Variants in MGAM observed in about 807,000 individuals in gnomAD.
MGAM encodes alpha-1,4-glucosidase.
In MGAM, 253 loss-of-function variants were observed where a neutral mutation model predicts 358.8. That is an observed-to-expected ratio of 0.71 (90% CI 0.64 to 0.78). The LOEUF is 0.78. Among genes scored for constraint, MGAM ranks in the 30% least tolerant of loss-of-function variants. The pLI, the probability that MGAM is intolerant of heterozygous loss-of-function variation, is 0.00. For synonymous variants in MGAM, 1,105 were observed against 1,227.1 expected (o/e 0.90, Z 2.08); for missense variants, 3,080 against 3,432.6 (o/e 0.90, Z 2.57).
At chr7:142,105,292 C>CT (rs1816749523) in intron 70 of MGAM, among the ~76,000 whole-genome samples, 1 of 117,110 alleles carries the variant, frequency 8.5e-6, no homozygotes, top group South Asian at 3.0e-4. Flanking sequence ...GCATATTGAA[C>CT]ATTTTTTTTT....
At position 142,005,599 on chromosome 7, in the gene MGAM, G is replaced by A; in HGVS notation, c.69G>A (p.Leu23=). The A allele has an allele frequency of 1.3e-6, 2 of 1,586,930 alleles. No homozygotes were observed. Among genetic ancestry groups the A allele is most frequent in the African/African-American group, 1.4e-5 (1 of 73,822 alleles). ...EIVLSVLLLV[L]FIISIVLIVL... is the part of the protein sequence containing the mutation. ...TGCTCAGTGTTCTTCTGCTTGTGTT[G>A]TTTATCATCAGTATTGTTCTAATTG... The change falls in exon 2 of 71, where the codon TTG becomes TTA. Residue 23 remains leucine, a synonymous_variant. Transcript: ENST00000475668.
chr7:142,063,560 C>T lies in MGAM; in HGVS notation c.4319C>T (p.Ser1440Phe). 6.2e-7 allele frequency: 1 copy of T among 1,613,746 alleles called. No homozygotes were observed. The highest frequency in any genetic ancestry group is 8.5e-7 in the Non-Finnish European group (1 of 1,179,784). ...GAVSPGCRDASLNHPPYMPHL... is the reference protein window; with the variant it reads ...GAVSPGCRDAFLNHPPYMPHL... ...GTTTCTCCAGGCTGCAGGGACGCCT[C>T]TCTGAACCACCCTCCCTACATGCCA... is the stretch of plus-strand genomic sequence containing the variant. Residue 1440 changes from serine to phenylalanine, a missense_variant, in exon 36 of 71, where the codon TCT becomes TTT. Coordinates refer to ENST00000475668, the MANE Select transcript of MGAM (RefSeq NM_001365693.1).
chr7:142,045,011 TATA>T lies in MGAM; in HGVS notation c.2499-2770_2499-2768del, dbSNP rs375298308. Among the ~76,000 whole-genome samples the T allele has an allele frequency of 6.1e-3, 632 of 102,980 alleles. 33 individuals are homozygous for T. The highest frequency in any genetic ancestry group is 0.014 in the Middle Eastern group (1 of 70). 67.6% of individuals were successfully genotyped at this position (102,980 alleles called of 152,430 possible). A position where few individuals can be genotyped will look rare whatever the true frequency, so the allele number is the denominator to read the frequency against. ...TTATATACACGTGTAATATATGATA[TATA>T]ATATGTATATTGTATACACGTGTAA... On this transcript the variant is annotated intron_variant, in intron 21 of 70. Transcript: ENST00000475668.
chr7:142,008,759 A>AT lies in MGAM; in HGVS notation c.327+63dup, dbSNP rs879988723. On this transcript the variant is annotated intron_variant, in intron 3 of 70. Transcript: ENST00000475668. ...TAGAATTTATGCAACTTGATAGTTT[A>AT]TTTTTTTTTGTTGTTTTGTTTTGGT... 6.9e-4 allele frequency: 1,048 copies of AT among 1,527,398 alleles called. 2 individuals carry two copies. The highest frequency in any genetic ancestry group is 1.1e-3 in the Admixed American group (60 of 53,462). 94.6% of individuals were successfully genotyped at this position (1,527,398 alleles called of 1,614,324 possible).
intron 2 of MGAM, among the ~76,000 whole-genome samples, chr7:141,989,860 G>A (rs1803868718): frequency 1.3e-5 from 2 of 152,118 alleles, no homozygotes; most frequent in African/African-American, 4.8e-5. Context: ...GGATATTTTA[G>A]GGACACCTAA....
At chr7:142,037,024 A>G in intron 18 of MGAM, 47 bp downstream of exon 18, 1 of 1,559,256 alleles carries the variant, frequency 6.4e-7, no homozygotes, top group Non-Finnish European at 8.8e-7. Context: ...ATCTGGAATG[A>G]CATTGACTAT....
rs141167451 is a variant in MGAM, at chr7:142,069,587, A to T, written c.5061+884A>T. Among the ~76,000 whole-genome samples, 637 of 145,814 alleles carry T rather than the reference A, an allele frequency of 4.4e-3. 23 individuals carry two copies. Among genetic ancestry groups the T allele is most frequent in the African/African-American group, 0.015 (612 of 41,166 alleles). On this transcript the variant is annotated intron_variant, in intron 43 of 70. Transcript: ENST00000475668. The stretch of plus-strand genomic sequence containing the variant: ...TTTCATCCAAGGAGATTTCAGTGAG[A>T]TTAAGTGAAAAGTGGAGAAGGATGT...
intron 30 of MGAM, among the ~76,000 whole-genome samples, chr7:142,057,215 A>G (rs996046336): frequency 1.3e-5 from 2 of 151,868 alleles, no homozygotes. Flanking sequence ...TTATATGGTG[A>G]TGATGGCAGT....
chr7:142,095,631 T>A lies in MGAM; in HGVS notation c.7525T>A (p.Tyr2509Asn). The change falls in exon 64 of 71, where the codon TAC (tyrosine) becomes AAC (asparagine). Residue 2509 changes from tyrosine (Y) to asparagine (N), a missense_variant. Coordinates refer to ENST00000475668, the MANE Select transcript of MGAM (RefSeq NM_001365693.1). Reference protein sequence around the residue: ...NISRTVLQTRYTLLPYLYTLM... With the variant: ...NISRTVLQTRNTLLPYLYTLM... ...TTCCAGAACTGTCCTGCAGACCAGATACACCCTGTTGCCATATCTGTATAC... is the reference window on the plus strand; with the variant it reads ...TTCCAGAACTGTCCTGCAGACCAGAAACACCCTGTTGCCATATCTGTATAC... The A allele has an allele frequency of 6.2e-7, 1 of 1,613,906 alleles. No individual in the cohort carries two copies. The highest frequency in any genetic ancestry group is 1.1e-5 in the South Asian group (1 of 91,078).
At chr7:142,040,405 T>C (rs1345082522) in intron 20 of MGAM, 1 of 585,540 alleles carries the variant, frequency 1.7e-6, no homozygotes, top group Non-Finnish European at 3.0e-6. Flanking sequence ...TAGGCTGACA[T>C]AGTATCTCAT....
rs1290111282 is a variant in MGAM, at chr7:142,102,651, A to G, written c.7985A>G (p.Tyr2662Cys). ...QSIDTYGKGL[Y>C]YLASFSASQN... is the part of the protein sequence containing the mutation. ...GCAGATACCTATGGGAAAGGACTCT[A>G]TTACTTGGCCAGCTTTTCTGCCAGC... Residue 2662 changes from tyrosine to cysteine, a missense_variant, in exon 69 of 71, where the codon TAT becomes TGT. Tyr to Cys is a radical substitution (Grantham distance 194). Transcript: ENST00000475668. 6.2e-6 allele frequency: 10 copies of G among 1,613,412 alleles called. No individual in the cohort carries two copies. The highest frequency in any genetic ancestry group is 1.1e-5 in the South Asian group (1 of 90,916).
chr7:142,043,908 A>G (rs554239595), intron 21 of MGAM, among the ~76,000 whole-genome samples: 3 of 124,752 alleles, frequency 2.4e-5, no homozygotes, highest in African/African-American at 9.2e-5. Flanking sequence ...ATATACACAT[A>G]CGACGTATAA....
Position 142,060,756 on chromosome 7 carries a change from G to A in MGAM, c.4122+383G>A, listed in dbSNP as rs138232024. ...CTGGCATACTTACTGTTGTTGCCTC[G>A]GTTATCCCTTTTAAACAGTCTTCAA... On this transcript the variant is annotated intron_variant, in intron 34 of 70. Transcript: ENST00000475668. Among the ~76,000 whole-genome samples the A allele has an allele frequency of 3.3e-5, 5 of 152,248 alleles. No homozygotes were observed. In the East Asian group the frequency reaches 7.7e-4, roughly 24 times the overall value.
intron 68 of MGAM, among the ~76,000 whole-genome samples, chr7:142,101,918 AAAGAAAG>A (rs1389883019): frequency 6.6e-6 from 1 of 151,248 alleles, no homozygotes; most frequent in Admixed American, 6.6e-5. Flanking sequence ...CAAAAAAAAA[AAAGAAAG>A]AAAGAAAGAA....
At chr7:141,999,102 T>G (rs1302118771) in intron 1 of MGAM, among the ~76,000 whole-genome samples, 1 of 152,210 alleles carries the variant, frequency 6.6e-6, no homozygotes, top group Non-Finnish European at 1.5e-5. Context: ...GATTTTTATC[T>G]GTTTTGTTCA....
intron 40 of MGAM, 121 bp from the exon 41 acceptor site, chr7:142,066,452 T>G (rs1248973092): frequency 1.7e-6 from 2 of 1,151,502 alleles, no homozygotes; most frequent in African/African-American, 1.5e-5. Context: ...CTGGGCCTCA[T>G]GTATAGTTTT....
Position 142,079,079 on chromosome 7 carries a change from C to T in MGAM, c.5847+71C>T, listed in dbSNP as rs551816905. The T allele has an allele frequency of 2.9e-5, 37 of 1,285,714 alleles. 4 individuals are homozygous for T. In the Admixed American group the frequency reaches 7.3e-4, roughly 25 times the overall value. The allele number at this position is 1,285,714 out of a possible 1,614,324, so 79.6% of individuals were successfully genotyped here. On this transcript the variant is annotated intron_variant, in intron 49 of 70. Transcript: ENST00000475668. ...TCCATTATCTTTTTCTGGTTCAGGT[C>T]ACACAACCCTAAAATAAGTTAATCA...
At chr7:142,073,352 A>G (rs1401524675) in intron 44 of MGAM, among the ~76,000 whole-genome samples, 1 of 146,146 alleles carries the variant, frequency 6.8e-6, no homozygotes, top group Non-Finnish European at 1.6e-5. Flanking sequence ...ACTGTGGAAG[A>G]ATACAGTGGA....
In MGAM at chr7:142,034,657, C is replaced by T; in HGVS notation, c.1788-13C>T. On this transcript the variant is annotated splice_polypyrimidine_tract_variant and intron_variant, in intron 15 of 70. Transcript: ENST00000475668. ...GATCCCACATTGACTCCTTAAATCT[C>T]TCTCCCTTGCAGAGCTGCCAAGACT... 6.2e-7 allele frequency: 1 copy of T among 1,610,518 alleles called. No individual in the cohort carries two copies. The highest frequency in any genetic ancestry group is 8.5e-7 in the Non-Finnish European group (1 of 1,177,918).
Sources: gnomAD v4.1 joint callset for allele counts (sites outside exome capture counted in the v4.1 genomes callset) on GRCh38, gnomAD v4.1.1 for gene constraint, MANE v1.5 for transcripts, NCBI Gene and HGNC (gene_info 2026-07-23, HGNC 2026-07-21) for gene names.